YAP1: variants seen among roughly 807,000 people sequenced by gnomAD.
The protein encoded by YAP1 is transcriptional coactivator YAP1.
YAP1 carries 5 observed loss-of-function variants against 56.9 expected under a neutral mutation model. That is an observed-to-expected ratio of 0.09 (90% CI 0.05 to 0.18). YAP1 has a LOEUF of 0.18. YAP1 is among the 10% of genes least tolerant of loss of function. YAP1 has a pLI of 1.00. For synonymous variants in YAP1, 265 were observed against 248.1 expected (o/e 1.07, Z -0.64); for missense variants, 539 against 651.8 (o/e 0.83, Z 1.88).
At chr11:102,137,367 A>G (rs555139995) in intron 2 of YAP1, among the ~76,000 whole-genome samples, 10 of 152,292 alleles carry the variant, frequency 6.6e-5, no homozygotes, top group Non-Finnish European at 1.2e-4. Flanking sequence ...AATATACTAC[A>G]TCTCTCTCTC....
At chr11:102,111,239 G>T (rs1043263494) in intron 1 of YAP1, 70 bp downstream of exon 1, 3 of 1,572,292 alleles carry the variant, frequency 1.9e-6, no homozygotes, top group African/African-American at 2.7e-5. Flanking sequence ...CTCGGGAGCC[G>T]CGGCCGCCAG....
chr11:102,157,589 T>G (rs1946027936), intron 2 of YAP1, among the ~76,000 whole-genome samples: 1 of 152,234 alleles, frequency 6.6e-6, no homozygotes, highest in Non-Finnish European at 1.5e-5. Flanking sequence ...TATTGTTTAC[T>G]AAAAGTCAAT....
intron 6 of YAP1, among the ~76,000 whole-genome samples, chr11:102,213,682 T>C (rs1461392412): frequency 6.6e-6 from 1 of 152,174 alleles, no homozygotes; most frequent in Non-Finnish European, 1.5e-5. Flanking sequence ...CTCACAAGCT[T>C]TTCCCCATAG....
At chr11:102,186,458 A>G (rs1290949172) in intron 4 of YAP1, 1 of 304,756 alleles carries the variant, frequency 3.3e-6, no homozygotes, top group Non-Finnish European at 6.2e-6. Context: ...CTGCAATAAT[A>G]ATCAGGCTGT....
At chr11:102,124,379 C>T (rs930020275) in intron 2 of YAP1, among the ~76,000 whole-genome samples, 3 of 152,146 alleles carry the variant, frequency 2.0e-5, no homozygotes, top group African/African-American at 7.2e-5. Flanking sequence ...TTTTAAAATT[C>T]ATTGTCAACA....
chr11:102,140,045 T>C (rs1402132753), intron 2 of YAP1, among the ~76,000 whole-genome samples: 1 of 152,224 alleles, frequency 6.6e-6, no homozygotes, highest in Non-Finnish European at 1.5e-5. Flanking sequence ...CAGGGGTTTA[T>C]CCTAAATAGG....
rs796643293 is a variant in YAP1, at chr11:102,212,370, C to T, written c.1032+2806C>T. ...TGTTGTAGGGTGCTGTGCTCGTGTA[C>T]ACTAACGTCAGTATGGGTGAGGTTA... On this transcript the variant is annotated intron_variant, in intron 6 of 8. Coordinates refer to ENST00000282441, the MANE Select transcript of YAP1 (RefSeq NM_001130145.3). 3.0e-4 allele frequency among the ~76,000 whole-genome samples: 45 copies of T among 152,200 alleles called. 2 individuals are homozygous for T. Among genetic ancestry groups the T allele is most frequent in the African/African-American group, 1.1e-3 (44 of 41,496 alleles).
chr11:102,122,662 G>A (rs1273129851), intron 2 of YAP1, among the ~76,000 whole-genome samples: 1 of 152,102 alleles, frequency 6.6e-6, no homozygotes, highest in East Asian at 1.9e-4. Flanking sequence ...GGAAGGCCAA[G>A]GCGGGCGGAT....
intron 2 of YAP1, among the ~76,000 whole-genome samples, chr11:102,120,021 T>G (rs1943554154): frequency 6.6e-6 from 1 of 152,226 alleles, no homozygotes; most frequent in East Asian, 1.9e-4. Flanking sequence ...TAAAGAGCTG[T>G]GTCGTTCTAT....
At chr11:102,185,957 C>T (rs1729928160) in intron 3 of YAP1, 61 bp from the exon 4 acceptor site, 3 of 1,471,714 alleles carry the variant, frequency 2.0e-6, no homozygotes, top group Non-Finnish European at 2.7e-6. Context: ...TACCCCCTCC[C>T]ACTTTTTTTT....
chr11:102,112,268 A>G (rs543832117), intron 1 of YAP1, among the ~76,000 whole-genome samples: 1 of 152,318 alleles, frequency 6.6e-6, no homozygotes, highest in Non-Finnish European at 1.5e-5. Context: ...GGATATGAAC[A>G]TGGCTGCTAT....
rs116772019 is a variant in YAP1 at position 102,213,207 on chromosome 11, G to A, written c.1032+3643G>A. 3.2e-3 allele frequency among the ~76,000 whole-genome samples: 487 copies of A among 152,290 alleles called. 1 individual carries two copies. The highest frequency in any genetic ancestry group is 0.011 in the African/African-American group (464 of 41,552). On this transcript the variant is annotated intron_variant, in intron 6 of 8. Transcript: ENST00000282441. The stretch of plus-strand genomic sequence containing the variant: ...TGCTTAAGAATATGGTTCTTGGACT[G>A]GGGGCGGTGGCTCACGCTTGTAATC...
rs1190867473 is a variant in YAP1, at chr11:102,111,011, G to T, written c.163G>T (p.Val55Leu). 6.3e-7 allele frequency: 1 copy of T among 1,599,450 alleles called. No individual in the cohort carries two copies. Among genetic ancestry groups the T allele is most frequent in the Non-Finnish European group, 8.5e-7 (1 of 1,174,102 alleles). The change falls in exon 1 of 9, where the codon GTG (valine) becomes TTG (leucine). Residue 55 changes from valine (V) to leucine (L), a missense_variant. Around this residue, in one of 4 missense-constraint regions of YAP1, gnomAD observed 106 missense variants for 86.6 expected, o/e 1.22. Transcript: ENST00000282441. The part of the protein sequence containing the change: ...PQAPPAGHQI[V>L]HVRGDSETDL... ...GGCACCCCCCGCCGGGCATCAGATC[G>T]TGCACGTCCGCGGGGACTCGGAGAC... is the stretch of plus-strand genomic sequence containing the variant.
chr11:102,209,605 A>T (rs749614001), intron 6 of YAP1, 41 bp downstream of exon 6: 4 of 1,530,430 alleles, frequency 2.6e-6, no homozygotes, highest in Non-Finnish European at 3.5e-6. Context: ...AAAAAAAAAA[A>T]AAAAGATATT....
intron 4 of YAP1, among the ~76,000 whole-genome samples, chr11:102,195,251 A>G (rs2135548868): frequency 6.6e-6 from 1 of 152,266 alleles, no homozygotes; most frequent in Middle Eastern, 3.4e-3. Flanking sequence ...TGATGAGGTG[A>G]TGAGGAGAAA....
rs370861816 is a variant in YAP1 at position 102,223,628 on chromosome 11, G to T, written c.1039G>T (p.Ala347Ser). 8.9e-5 allele frequency: 144 copies of T among 1,613,762 alleles called. No homozygotes were observed. The highest frequency in any genetic ancestry group is 1.1e-4 in the Non-Finnish European group (133 of 1,179,948). Residue 347 changes from alanine to serine, a missense_variant, in exon 7 of 9, where the codon GCC becomes TCC. Physicochemically the swap from Ala to Ser is moderately conservative, Grantham distance 99 (BLOSUM62 1). This residue lies in a region of YAP1 where 414 missense variants were observed against 512.4 expected (regional missense o/e 0.81). Coordinates refer to ENST00000282441, the MANE Select transcript of YAP1 (RefSeq NM_001130145.3). ...TGGCTTTATTTTTAATTAGGAGTTA[G>T]CCCTGCGTAGCCAGTTACCAACACT... ...TANSPKCQEL[A>S]LRSQLPTLEQ...
At chr11:102,116,885 G>C (rs1296185214) in intron 2 of YAP1, among the ~76,000 whole-genome samples, 2 of 152,092 alleles carry the variant, frequency 1.3e-5, no homozygotes, top group Admixed American at 6.6e-5. Context: ...TGGTTACTTG[G>C]TATCTGTCAG....
chr11:102,119,550 C>T (rs752273634), intron 2 of YAP1, among the ~76,000 whole-genome samples: 7 of 149,200 alleles, frequency 4.7e-5, no homozygotes, highest in Non-Finnish European at 8.9e-5. Flanking sequence ...TTTAAAGTCA[C>T]ATTTAAAAAA....
intron 3 of YAP1, among the ~76,000 whole-genome samples, chr11:102,166,426 A>G (rs1192755606): frequency 6.6e-6 from 1 of 152,234 alleles, no homozygotes; most frequent in Non-Finnish European, 1.5e-5. Flanking sequence ...CGTCATGTTG[A>G]CATGTTAATA....
Sources: allele counts gnomAD v4.1 joint callset (sites outside exome capture counted in the v4.1 genomes callset), GRCh38; gene constraint gnomAD v4.1.1; regional missense constraint gnomAD v4.1.1; transcripts MANE v1.5; gene names NCBI Gene and HGNC (gene_info 2026-07-23, HGNC 2026-07-21).